The following SLCO3A1 variants were observed in gnomAD, a reference collection of about 807,000 sequenced individuals.
The protein encoded by SLCO3A1 is PGE1 transporter.
SLCO3A1 carries 27 observed loss-of-function variants against 63.1 expected under a neutral mutation model. The observed-to-expected ratio is 0.43, with a 90% CI of 0.32 to 0.59. The LOEUF is 0.59. Ranked by LOEUF, SLCO3A1 falls within the 20% of genes least tolerant of loss-of-function variation. SLCO3A1 has a pLI of 0.09. For missense variants in SLCO3A1, 773 were observed against 945.8 expected (o/e 0.82, Z 2.40); for synonymous variants, 473 against 409.9 (o/e 1.15, Z -1.86).
At position 92,016,250 on chromosome 15, in the gene SLCO3A1, TAGATTAGA is replaced by T. The variant is rs1160484783; in HGVS notation, c.647-78630_647-78623del. Among the ~76,000 whole-genome samples the T allele has an allele frequency of 6.1e-3, 340 of 55,502 alleles. 2 individuals carry two copies. Among genetic ancestry groups the T allele is most frequent in the African/African-American group, 0.028 (253 of 9,080 alleles). The allele number at this position is 55,502 out of a possible 152,430, so 36.4% of individuals were successfully genotyped here. A position where few individuals can be genotyped will look rare whatever the true frequency, so the allele number is the denominator to read the frequency against. The stretch of plus-strand genomic sequence containing the variant: ...ATAGATAGATAGATAGATAGATAGA[TAGATTAGA>T]TAGATAGATAGATAGATAGATAGAT... On this transcript the variant is annotated intron_variant, in intron 2 of 9. Coordinates refer to ENST00000318445, the MANE Select transcript of SLCO3A1 (RefSeq NM_013272.4).
In SLCO3A1 at chr15:91,905,018, T is replaced by A. The variant is rs145310538; in HGVS notation, c.181-10975T>A. 3.4e-3 allele frequency among the ~76,000 whole-genome samples: 515 copies of A among 152,286 alleles called. 6 individuals carry two copies. The highest frequency in any genetic ancestry group is 0.012 in the African/African-American group (489 of 41,546). Reference sequence around the variant, plus strand: ...AGTCCTATGGAATTACAAGTAGAATTTGAAGGCCAAGAGAAAAAGAAATGA... The same window carrying A: ...AGTCCTATGGAATTACAAGTAGAATATGAAGGCCAAGAGAAAAAGAAATGA... On this transcript the variant is annotated intron_variant, in intron 1 of 9. Transcript: ENST00000318445.
chr15:91,938,633 T>A (rs1452609172), intron 2 of SLCO3A1, among the ~76,000 whole-genome samples: 1 of 152,190 alleles, frequency 6.6e-6, no homozygotes, highest in Non-Finnish European at 1.5e-5. Context: ...TAAAAGGTAG[T>A]ACTGTTGTTC....
At chr15:92,089,008 A>ATTTATTTT (rs563822068) in intron 2 of SLCO3A1, among the ~76,000 whole-genome samples, 2 of 90,522 alleles carry the variant, frequency 2.2e-5, no homozygotes, top group East Asian at 4.3e-4. Flanking sequence ...TTATTTATTT[A>ATTTATTTT]TTATTTATTT....
chr15:91,876,082 A>T (rs1487151092), intron 1 of SLCO3A1, among the ~76,000 whole-genome samples: 1 of 152,222 alleles, frequency 6.6e-6, no homozygotes, highest in African/African-American at 2.4e-5. Flanking sequence ...AGGTGGACAG[A>T]TAGTTTGAAC....
chr15:92,080,266 C>T lies in SLCO3A1; in HGVS notation c.647-14615C>T, dbSNP rs541384156. ...GGGTAGTAATCAGTTTACAGTTCAA[C>T]ACACACGGAGTCCCTCCTCCAGGGC... On this transcript the variant is annotated intron_variant, in intron 2 of 9. Coordinates refer to ENST00000318445, the MANE Select transcript of SLCO3A1 (RefSeq NM_013272.4). Among the ~76,000 whole-genome samples, 8 of 152,306 alleles carry T rather than the reference C, an allele frequency of 5.3e-5. No individual in the cohort carries two copies. In the South Asian group the frequency reaches 1.7e-3, roughly 32 times the overall value.
At chr15:91,870,259 A>G (rs113192221) in intron 1 of SLCO3A1, among the ~76,000 whole-genome samples, 8 of 151,358 alleles carry the variant, frequency 5.3e-5, no homozygotes, top group African/African-American at 1.7e-4. Flanking sequence ...CTGAGTAGAT[A>G]TACTTATAAA....
intron 6 of SLCO3A1, among the ~76,000 whole-genome samples, chr15:92,126,772 C>G (rs1157127890): frequency 6.6e-6 from 1 of 152,080 alleles, no homozygotes; most frequent in East Asian, 1.9e-4. Context: ...TTCTTTCTTC[C>G]TAGTTTTTAT....
At chr15:92,128,857 G>A (rs2047958694) in intron 7 of SLCO3A1, among the ~76,000 whole-genome samples, 1 of 152,266 alleles carries the variant, frequency 6.6e-6, no homozygotes, top group Admixed American at 6.5e-5. Flanking sequence ...CCATTTATCA[G>A]GAAAGACTTC....
rs1431002620 is a variant in SLCO3A1, at chr15:91,862,148, A to T, written c.180+8060A>T. 6.6e-6 allele frequency among the ~76,000 whole-genome samples: 1 copy of T among 150,682 alleles called. No individual in the cohort carries two copies. The highest frequency in any genetic ancestry group is 2.1e-4 in the South Asian group (1 of 4,784). ...CCACTGACTGTAATGATGAAGTCTT[A>T]TTTTTTTATTTTTTATTTTTTTTTT... On this transcript the variant is annotated intron_variant, in intron 1 of 9. Transcript: ENST00000318445. This position sits in a 1 kb window ranked among gnomAD's most constrained non-coding sequence, Gnocchi z 4.0.
At chr15:92,070,502 G>A (rs972126904) in intron 2 of SLCO3A1, among the ~76,000 whole-genome samples, 4 of 152,126 alleles carry the variant, frequency 2.6e-5, no homozygotes, top group Admixed American at 1.3e-4. Context: ...AATTAGCCAG[G>A]TGGGATGACG....
chr15:91,966,871 C>G (rs528415150), intron 2 of SLCO3A1, among the ~76,000 whole-genome samples: 3 of 152,194 alleles, frequency 2.0e-5, no homozygotes, highest in Non-Finnish European at 4.4e-5. Context: ...GTAAAAAAGT[C>G]TAACCCTAGC....
intron 1 of SLCO3A1, among the ~76,000 whole-genome samples, chr15:91,915,295 T>C (rs555587643): frequency 1.3e-5 from 2 of 152,264 alleles, no homozygotes; most frequent in East Asian, 3.9e-4. Flanking sequence ...TTAACAAACA[T>C]AGGGCAGACA....
chr15:92,121,538 A>T (rs935683193), intron 5 of SLCO3A1, among the ~76,000 whole-genome samples: 1 of 152,206 alleles, frequency 6.6e-6, no homozygotes, highest in African/African-American at 2.4e-5. Context: ...AGCATATCTA[A>T]GTGATGTCCA....
At chr15:92,081,341 CT>C (rs113782787) in intron 2 of SLCO3A1, among the ~76,000 whole-genome samples, 2,582 of 148,630 alleles carry the variant, frequency 0.017, 21 homozygotes, top group Non-Finnish European at 0.019. Flanking sequence ...ACTAGTGGTG[CT>C]TTTTTTTTTC....
rs1429592313 is a variant in SLCO3A1, at chr15:92,133,326, T to G, written c.1512+4837T>G. On this transcript the variant is annotated intron_variant, in intron 7 of 9. Coordinates refer to ENST00000318445, the MANE Select transcript of SLCO3A1 (RefSeq NM_013272.4). ...CTAAGCTGACACTGAGTATTCATCA[T>G]TCAGTCTCTTTTTTCTTCTCACCAT... Among the ~76,000 whole-genome samples the G allele has an allele frequency of 2.0e-5, 3 of 146,364 alleles. 1 individual carries two copies. The highest frequency in any genetic ancestry group is 5.0e-5 in the African/African-American group (2 of 40,316).
intron 7 of SLCO3A1, among the ~76,000 whole-genome samples, chr15:92,131,583 G>A (rs1250564682): frequency 6.9e-6 from 1 of 144,622 alleles, no homozygotes; most frequent in African/African-American, 2.5e-5. Flanking sequence ...GGCCAGGCTG[G>A]TCTTGAACTC....
intron 1 of SLCO3A1, among the ~76,000 whole-genome samples, chr15:91,870,566 T>G (rs1897259619): frequency 1.3e-5 from 2 of 152,242 alleles, no homozygotes; most frequent in African/African-American, 4.8e-5. Flanking sequence ...ATGCAATTCT[T>G]TATTAGTTTT....
chr15:91,929,792 C>T (rs1899160111), intron 2 of SLCO3A1, among the ~76,000 whole-genome samples: 1 of 152,172 alleles, frequency 6.6e-6, no homozygotes, highest in African/African-American at 2.4e-5. Flanking sequence ...CGTAGAGTAT[C>T]TGTCTTTTGT....
At chr15:92,016,254 T>TAGATAGATAGATAGATTAGATAGATAGA in intron 2 of SLCO3A1, among the ~76,000 whole-genome samples, 125 of 95,606 alleles carry the variant, frequency 1.3e-3, no homozygotes, top group Middle Eastern at 7.5e-3. Context: ...GATAGATAGA[T>TAGATAGATAGATAGATTAGATAGATAGA]TAGATAGATA....
Sources: allele counts gnomAD v4.1 joint callset (sites outside exome capture counted in the v4.1 genomes callset), GRCh38; gene constraint gnomAD v4.1.1; non-coding constraint Gnocchi (gnomAD v3.1); transcripts MANE v1.5; gene names NCBI Gene and HGNC (gene_info 2026-07-23, HGNC 2026-07-21).